The following INTS9 variants were observed in gnomAD, a reference collection of about 807,000 sequenced individuals.
INTS9 encodes protein related to CPSF subunits of 74 kDa.
In INTS9, 55 loss-of-function variants were observed where a neutral mutation model predicts 79.7. That is an observed-to-expected ratio of 0.69 (90% CI 0.56 to 0.86). INTS9 has a LOEUF of 0.86. INTS9 is among the 40% of genes least tolerant of loss of function. The pLI, the probability that INTS9 is intolerant of heterozygous loss-of-function variation, is 0.00. For synonymous variants in INTS9, 319 were observed against 325.2 expected, an observed-to-expected ratio of 0.98 and a Z score of 0.20; for missense variants, 721 against 831.5, an observed-to-expected ratio of 0.87 and a Z score of 1.64.
At chr8:28,794,674 G>T (rs1476240761) in intron 9 of INTS9, among the ~76,000 whole-genome samples, 1 of 152,228 alleles carries the variant, frequency 6.6e-6, no homozygotes, top group Non-Finnish European at 1.5e-5. Flanking sequence ...TACATGAAAA[G>T]AATGAATTAG....
chr8:28,800,990 A>AACCTCCAACT (rs1326950805), intron 8 of INTS9, among the ~76,000 whole-genome samples: 5 of 152,210 alleles, frequency 3.3e-5, no homozygotes, highest in African/African-American at 1.2e-4. Flanking sequence ...TCATGGAACC[A>AACCTCCAACT]ACCTCCAACT....
chr8:28,832,107 A>G (rs1806526162), intron 6 of INTS9, among the ~76,000 whole-genome samples: 1 of 152,226 alleles, frequency 6.6e-6, no homozygotes, highest in Admixed American at 6.5e-5. Flanking sequence ...AAGCCAGAGC[A>G]CACATGTTCC....
intron 6 of INTS9, among the ~76,000 whole-genome samples, chr8:28,822,918 G>T: frequency 6.6e-6 from 1 of 151,920 alleles, no homozygotes; most frequent in African/African-American, 2.4e-5. Context: ...ACACTCTTTG[G>T]CAGGGAGTTA....
chr8:28,873,249 A>T (rs1334537958), intron 1 of INTS9, among the ~76,000 whole-genome samples: 2 of 152,194 alleles, frequency 1.3e-5, no homozygotes, highest in Non-Finnish European at 2.9e-5. Context: ...AGGTTTTACT[A>T]GGCTGAATTT....
At chr8:28,880,150 G>T (rs1809623954) in intron 1 of INTS9, among the ~76,000 whole-genome samples, 1 of 151,898 alleles carries the variant, frequency 6.6e-6, no homozygotes, top group South Asian at 2.1e-4. Context: ...AAAAATAGAG[G>T]AAAGAAGACT....
At chr8:28,875,710 G>A (rs1165318600) in intron 1 of INTS9, among the ~76,000 whole-genome samples, 1 of 152,054 alleles carries the variant, frequency 6.6e-6, no homozygotes, top group African/African-American at 2.4e-5. Context: ...GGTCCCCACT[G>A]CCTGTATCAG....
chr8:28,850,479 AAT>A (rs777086377), intron 2 of INTS9, among the ~76,000 whole-genome samples: 11 of 151,948 alleles, frequency 7.2e-5, no homozygotes, highest in Non-Finnish European at 1.2e-4. Flanking sequence ...TAAAAGGTCA[AAT>A]AGTTTAGTGG....
intron 1 of INTS9, among the ~76,000 whole-genome samples, chr8:28,876,751 T>C (rs1414934201): frequency 1.3e-5 from 2 of 151,926 alleles, no homozygotes; most frequent in Non-Finnish European, 1.5e-5. Context: ...GGAAAGGGTA[T>C]TAAAAATTAA....
chr8:28,816,477 A>G (rs1805489050), intron 6 of INTS9, among the ~76,000 whole-genome samples: 1 of 151,354 alleles, frequency 6.6e-6, no homozygotes, highest in Non-Finnish European at 1.5e-5. Flanking sequence ...TACAAAGGAC[A>G]TGAACTCATC....
chr8:28,806,060 T>A (rs988943887), intron 8 of INTS9, among the ~76,000 whole-genome samples: 1 of 142,244 alleles, frequency 7.0e-6, no homozygotes, highest in Non-Finnish European at 1.6e-5. Context: ...GAAGATCCTG[T>A]CTCTACAAAA....
chr8:28,884,017 A>G (rs1810035302), intron 1 of INTS9, among the ~76,000 whole-genome samples: 1 of 152,140 alleles, frequency 6.6e-6, no homozygotes, highest in African/African-American at 2.4e-5. Context: ...GTCACAAAAC[A>G]AATATGCTAC....
chr8:28,878,187 T>C (rs938081455), intron 1 of INTS9, among the ~76,000 whole-genome samples: 1 of 152,110 alleles, frequency 6.6e-6, no homozygotes, highest in African/African-American at 2.4e-5. Context: ...AAAAATAAAA[T>C]AGGGATGAAA....
intron 2 of INTS9, 52 bp from the exon 3 acceptor site, chr8:28,850,325 A>G: frequency 7.0e-7 from 1 of 1,436,426 alleles, no homozygotes; most frequent in South Asian, 1.2e-5. Context: ...TATAATCCTC[A>G]ATGACTTCAT....
At chr8:28,804,888 G>A (rs970025913) in intron 8 of INTS9, among the ~76,000 whole-genome samples, 4 of 152,192 alleles carry the variant, frequency 2.6e-5, no homozygotes, top group African/African-American at 9.7e-5. Context: ...AGGCTGAGGA[G>A]CAGCATGAAT....
chr8:28,869,924 T>A (rs1808975658), intron 1 of INTS9, among the ~76,000 whole-genome samples: 1 of 151,966 alleles, frequency 6.6e-6, no homozygotes, highest in Non-Finnish European at 1.5e-5. Flanking sequence ...TACTTGGCTT[T>A]CCATGAAAAT....
intron 4 of INTS9, among the ~76,000 whole-genome samples, chr8:28,838,677 T>C (rs1275997213): frequency 6.6e-6 from 1 of 152,162 alleles, no homozygotes; most frequent in Non-Finnish European, 1.5e-5. Context: ...TGCCCTACCA[T>C]GCCTGGCTAA....
chr8:28,801,345 C>T (rs1804506184), intron 8 of INTS9, among the ~76,000 whole-genome samples: 1 of 151,844 alleles, frequency 6.6e-6, no homozygotes, highest in Non-Finnish European at 1.5e-5. Context: ...AAAAAATTAG[C>T]CTGGCATGGT....
intron 4 of INTS9, among the ~76,000 whole-genome samples, chr8:28,846,423 C>T (rs1291198958): frequency 6.6e-6 from 1 of 152,064 alleles, no homozygotes; most frequent in Non-Finnish European, 1.5e-5. Flanking sequence ...TAAGGCTAAC[C>T]TAAGCACACA....
In INTS9 at chr8:28,775,824, G is replaced by A. The variant is rs146865172; in HGVS notation, c.1498C>T (p.Arg500Trp). 2.5e-6 allele frequency: 4 copies of A among 1,613,964 alleles called. No homozygotes were observed. In the African/African-American group the frequency reaches 4.0e-5, roughly 16 times the overall value. The change falls in exon 14 of 17, where the codon CGG (arginine) becomes TGG (tryptophan). Residue 500 changes from arginine (R) to tryptophan (W), a missense_variant. Physicochemically the swap from Arg to Trp is moderately radical, Grantham distance 101 (BLOSUM62 -3). Transcript: ENST00000521022. ...GGCAGGGCGAGAACCTCAGCCCGCCGATAGGACATGGCGGGGGGCTGGCAG... is the reference window on the plus strand; with the variant it reads ...GGCAGGGCGAGAACCTCAGCCCGCCAATAGGACATGGCGGGGGGCTGGCAG... ...IDCQPPAMSY[R>W]RAEVLALPFK...
Sources: gnomAD v4.1 joint callset for allele counts (sites outside exome capture counted in the v4.1 genomes callset) on GRCh38, gnomAD v4.1.1 for gene constraint, MANE v1.5 for transcripts, NCBI Gene and HGNC (gene_info 2026-07-23, HGNC 2026-07-21) for gene names.